Variants in BEND6 observed in about 807,000 individuals in gnomAD.
BEND6 encodes the protein BEN domain-containing protein 6.
In BEND6, 24 loss-of-function variants were observed where a neutral mutation model predicts 31.8. That is an observed-to-expected ratio of 0.75 (90% CI 0.55 to 1.06). BEND6 has a LOEUF of 1.06. Ranked by LOEUF, BEND6 falls within the 50% of genes least tolerant of loss-of-function variation. The probability of loss-of-function intolerance (pLI) is 0.00; values close to 1 mark genes in which losing one functional copy is unlikely to be tolerated. For missense variants in BEND6, 294 were observed against 327.4 expected, an observed-to-expected ratio of 0.90 and a Z score of 0.79; for synonymous variants, 109 against 114.6, an observed-to-expected ratio of 0.95 and a Z score of 0.31.
intron 2 of BEND6, among the ~76,000 whole-genome samples, chr6:56,984,539 G>T (rs1459031228): frequency 1.3e-5 from 2 of 152,166 alleles, no homozygotes; most frequent in Non-Finnish European, 2.9e-5. Flanking sequence ...GAAACTCAAG[G>T]ATTGCTTAAG....
chr6:56,967,136 A>G (rs569920534), intron 1 of BEND6, among the ~76,000 whole-genome samples: 3 of 152,306 alleles, frequency 2.0e-5, no homozygotes, highest in African/African-American at 4.8e-5. Flanking sequence ...ACAAATAGAC[A>G]CACAGGCAAT....
intron 3 of BEND6, among the ~76,000 whole-genome samples, chr6:57,001,983 A>G (rs1029876579): frequency 3.3e-5 from 5 of 152,222 alleles, no homozygotes; most frequent in Admixed American, 6.5e-5. Context: ...CCTCATATGT[A>G]ATGACACCCA....
chr6:56,989,853 G>A (rs985334451), intron 2 of BEND6, among the ~76,000 whole-genome samples: 2 of 151,984 alleles, frequency 1.3e-5, no homozygotes, highest in Admixed American at 1.3e-4. Context: ...GTTGTGATGT[G>A]TTTTTTCACT....
At chr6:56,965,545 G>A (rs955870239) in intron 1 of BEND6, among the ~76,000 whole-genome samples, 53 of 151,844 alleles carry the variant, frequency 3.5e-4, no homozygotes, top group Non-Finnish European at 6.0e-4. Flanking sequence ...TTTTCAGTGA[G>A]AGAGAAAAAT....
At chr6:56,982,076 G>T in intron 2 of BEND6, 146 bp downstream of exon 2, 2 of 1,077,734 alleles carry the variant, frequency 1.9e-6, no homozygotes, top group Non-Finnish European at 2.5e-6. Context: ...ATAATCTTAT[G>T]TTCTTTTTCT....
At chr6:56,969,097 A>C (rs1454776986) in intron 1 of BEND6, among the ~76,000 whole-genome samples, 1 of 151,840 alleles carries the variant, frequency 6.6e-6, no homozygotes, top group East Asian at 1.9e-4. Flanking sequence ...AAAGAAAATG[A>C]AGGAAGTAAA....
At chr6:56,990,588 C>T (rs973607448) in intron 2 of BEND6, among the ~76,000 whole-genome samples, 3 of 152,086 alleles carry the variant, frequency 2.0e-5, no homozygotes, top group African/African-American at 7.2e-5. Context: ...TTGTCTAACC[C>T]TGAACCAGCA....
At chr6:56,968,967 C>T (rs540911463) in intron 1 of BEND6, among the ~76,000 whole-genome samples, 3 of 151,616 alleles carry the variant, frequency 2.0e-5, no homozygotes, top group South Asian at 2.1e-4. Context: ...CCTAGCTACT[C>T]GGGAGGCTGA....
Position 57,019,844 on chromosome 6 carries a change from A to G in BEND6, c.*9+1287A>G, listed in dbSNP as rs565572620. Among the ~76,000 whole-genome samples the G allele has an allele frequency of 1.1e-3, 169 of 152,344 alleles. 1 individual carries two copies. The highest frequency in any genetic ancestry group is 3.8e-3 in the African/African-American group (160 of 41,580). On this transcript the variant is annotated intron_variant, in intron 6 of 6. Coordinates refer to ENST00000370746, the MANE Select transcript of BEND6 (RefSeq NM_152731.3). ...CATGGTGGCTCACGCCTGTAGTCCC[A>G]ATGGTTTGGGAGGCTGAGACAGACA...
At chr6:56,969,247 A>G (rs1232428784) in intron 1 of BEND6, among the ~76,000 whole-genome samples, 1 of 152,178 alleles carries the variant, frequency 6.6e-6, no homozygotes, top group Non-Finnish European at 1.5e-5. Flanking sequence ...TGGAGTGCTC[A>G]GAATGCACCC....
At chr6:56,985,369 G>T (rs1826220282) in intron 2 of BEND6, among the ~76,000 whole-genome samples, 1 of 152,062 alleles carries the variant, frequency 6.6e-6, no homozygotes, top group South Asian at 2.1e-4. Flanking sequence ...CAGTTTAGGG[G>T]TGCTATGGCA....
intron 3 of BEND6, chr6:57,014,624 C>G: frequency 1.1e-6 from 1 of 879,600 alleles, no homozygotes; most frequent in Non-Finnish European, 1.6e-6. Context: ...TGTGGCAGTG[C>G]ATTTTTAATA....
intron 2 of BEND6, among the ~76,000 whole-genome samples, chr6:56,985,355 A>G (rs1826219894): frequency 6.6e-6 from 1 of 152,096 alleles, no homozygotes; most frequent in Non-Finnish European, 1.5e-5. Flanking sequence ...CCTAATAGTA[A>G]GAGCAGTTTA....
chr6:57,017,972 T>C (rs1027175703), intron 5 of BEND6, among the ~76,000 whole-genome samples: 5 of 152,188 alleles, frequency 3.3e-5, no homozygotes, highest in African/African-American at 1.2e-4. Context: ...GGCTCACACA[T>C]GCTGTTAGAC....
chr6:56,992,336 A>T (rs1826534981), intron 2 of BEND6, 42 bp from the exon 3 acceptor site: 2 of 1,546,096 alleles, frequency 1.3e-6, no homozygotes, highest in Non-Finnish European at 1.7e-6. Context: ...ACCATTAAAG[A>T]TGCTATGAGG....
intron 3 of BEND6, among the ~76,000 whole-genome samples, chr6:57,005,071 G>C (rs1364597583): frequency 6.6e-6 from 1 of 152,316 alleles, no homozygotes; most frequent in East Asian, 1.9e-4. Context: ...GTGGAGGCCT[G>C]TAGGATAGGT....
At chr6:57,004,755 A>G in intron 3 of BEND6, 1 of 1,135,356 alleles carries the variant, frequency 8.8e-7, no homozygotes, top group Admixed American at 1.7e-5. Context: ...TCACTGAGAC[A>G]CATCACCTGA....
intron 3 of BEND6, among the ~76,000 whole-genome samples, chr6:57,014,809 A>G (rs1191185983): frequency 6.6e-6 from 1 of 152,188 alleles, no homozygotes; most frequent in South Asian, 2.1e-4. Flanking sequence ...TCAACTCAAC[A>G]CCTTCAAATA....
At chr6:56,980,476 A>C (rs1454721378) in intron 1 of BEND6, among the ~76,000 whole-genome samples, 2 of 152,156 alleles carry the variant, frequency 1.3e-5, no homozygotes. Context: ...GGTGTGAGCC[A>C]CTGCATGTGG....
Sources: gnomAD v4.1 joint callset for allele counts (sites outside exome capture counted in the v4.1 genomes callset) on GRCh38, gnomAD v4.1.1 for gene constraint, MANE v1.5 for transcripts, NCBI Gene and HGNC (gene_info 2026-07-23, HGNC 2026-07-21) for gene names.